Variants in FBXL13 observed in about 807,000 individuals in gnomAD.
FBXL13 encodes F-box and leucine-rich repeat protein 13.
In FBXL13, 67 loss-of-function variants were observed where a neutral mutation model predicts 83.6. That is an observed-to-expected ratio of 0.80 (90% CI 0.66 to 0.98). The LOEUF (loss-of-function observed/expected upper bound fraction) is 0.98. Ranked by LOEUF, FBXL13 falls within the 50% of genes least tolerant of loss-of-function variation. The probability of loss-of-function intolerance (pLI) is 0.00; values close to 1 mark genes in which losing one functional copy is unlikely to be tolerated. For synonymous variants in FBXL13, 272 were observed against 299.5 expected (o/e 0.91, Z 0.95); for missense variants, 822 against 866.5 (o/e 0.95, Z 0.64).
intron 17 of FBXL13, among the ~76,000 whole-genome samples, chr7:102,846,110 A>G (rs765220055): frequency 2.0e-5 from 3 of 152,244 alleles, no homozygotes; most frequent in Non-Finnish European, 2.9e-5. Flanking sequence ...AGTAAGGGCT[A>G]AATTGATATT....
chr7:103,067,032 G>A (rs377227160), intron 1 of FBXL13, among the ~76,000 whole-genome samples: 1 of 151,836 alleles, frequency 6.6e-6, no homozygotes, highest in African/African-American at 2.4e-5. Flanking sequence ...TGATCTGCCC[G>A]CCTCGGCCTC....
chr7:102,890,088 T>A (rs1446850198), intron 11 of FBXL13, among the ~76,000 whole-genome samples: 1 of 152,168 alleles, frequency 6.6e-6, no homozygotes, highest in Non-Finnish European at 1.5e-5. Context: ...TACATTAGAA[T>A]ATCCAAAAAG....
intron 14 of FBXL13, among the ~76,000 whole-genome samples, chr7:102,881,112 G>A (rs1201161532): frequency 1.3e-5 from 2 of 152,142 alleles, no homozygotes; most frequent in East Asian, 3.9e-4. Context: ...CCTTTGAAGT[G>A]TCTTGTCACC....
chr7:102,938,894 T>G (rs76621147), intron 8 of FBXL13, among the ~76,000 whole-genome samples: 1,725 of 152,352 alleles, frequency 0.011, 34 homozygotes, highest in African/African-American at 0.04. Flanking sequence ...CCAGGACTGC[T>G]GCTGACAATC....
intron 17 of FBXL13, among the ~76,000 whole-genome samples, chr7:102,844,335 A>G (rs895892973): frequency 6.6e-6 from 1 of 152,324 alleles, no homozygotes; most frequent in Middle Eastern, 3.4e-3. Context: ...ATATAAAGAG[A>G]AAAGAAATAA....
chr7:103,006,265 A>G (rs1034551642), intron 6 of FBXL13, among the ~76,000 whole-genome samples: 8 of 152,216 alleles, frequency 5.3e-5, no homozygotes, highest in Non-Finnish European at 8.8e-5. Flanking sequence ...AGAGCTTGAG[A>G]AATACACATA....
intron 16 of FBXL13, among the ~76,000 whole-genome samples, 156 bp from the exon 18 acceptor site, chr7:102,855,016 G>C (rs191991678): frequency 6.6e-6 from 1 of 151,930 alleles, no homozygotes; most frequent in East Asian, 1.9e-4. Context: ...TTAACAAATC[G>C]TAAGACCACT....
chr7:103,012,410 G>C (rs1323110566), intron 6 of FBXL13, among the ~76,000 whole-genome samples: 1 of 149,382 alleles, frequency 6.7e-6, no homozygotes, highest in Non-Finnish European at 1.5e-5. Flanking sequence ...TAGAAAGAAA[G>C]GGCAGGTCAT....
chr7:102,813,155 A>C (rs1797550301), downstream of FBXL13: 1 of 626,244 alleles, frequency 1.6e-6, no homozygotes, highest in South Asian at 2.5e-5. Context: ...TCTTTTTTAA[A>C]TCATGATTAT....
At chr7:102,905,736 T>C (rs954140298) in intron 11 of FBXL13, among the ~76,000 whole-genome samples, 8 of 152,200 alleles carry the variant, frequency 5.3e-5, no homozygotes, top group Non-Finnish European at 1.2e-4. Context: ...CAATTTTCTC[T>C]GGTGATATTA....
At chr7:102,821,583 C>G (rs1798814207) in intron 19 of FBXL13, among the ~76,000 whole-genome samples, 1 of 152,124 alleles carries the variant, frequency 6.6e-6, no homozygotes, top group Non-Finnish European at 1.5e-5. Flanking sequence ...ACCTTACCTT[C>G]TATGTCAGGG....
chr7:103,005,447 A>C (rs1419900608), intron 6 of FBXL13, among the ~76,000 whole-genome samples: 1 of 152,220 alleles, frequency 6.6e-6, no homozygotes, highest in Non-Finnish European at 1.5e-5. Context: ...TGAAAATTAA[A>C]GAGTTGTTTT....
intron 17 of FBXL13, among the ~76,000 whole-genome samples, chr7:102,838,244 A>G (rs142041954): frequency 0.022 from 3,330 of 152,320 alleles, 52 homozygotes; most frequent in Non-Finnish European, 0.033. Flanking sequence ...TGGTGTGGGA[A>G]TAACACAGGA....
chr7:102,899,827 A>G (rs1182659057), intron 11 of FBXL13, among the ~76,000 whole-genome samples: 1 of 152,208 alleles, frequency 6.6e-6, no homozygotes, highest in African/African-American at 2.4e-5. Context: ...TAATCCCAGC[A>G]CTTTGGGAGG....
chr7:103,019,181 G>A lies in FBXL13; in HGVS notation c.495+5882C>T, dbSNP rs529692689. Reference sequence around the variant, plus strand: ...AGGATTAAGAAACTCACTCAAAACCGCTCAACTACATGGAAACTGAATAAC... The same window carrying A: ...AGGATTAAGAAACTCACTCAAAACCACTCAACTACATGGAAACTGAATAAC... On this transcript the variant is annotated intron_variant, in intron 6 of 19. Coordinates refer to ENST00000313221, the Ensembl canonical transcript of FBXL13. Among the ~76,000 whole-genome samples, 6 of 152,222 alleles carry A rather than the reference G, an allele frequency of 3.9e-5. No homozygotes were observed. In the South Asian group the frequency reaches 6.2e-4, roughly 16 times the overall value.
intron 6 of FBXL13, among the ~76,000 whole-genome samples, chr7:102,995,319 A>G (rs929905158): frequency 2.6e-5 from 4 of 151,442 alleles, no homozygotes; most frequent in Non-Finnish European, 5.9e-5. Flanking sequence ...ATCTCTACTA[A>G]AAATACAAAA....
intron 17 of FBXL13, among the ~76,000 whole-genome samples, chr7:102,845,460 A>G (rs1803771548): frequency 6.6e-6 from 1 of 152,228 alleles, no homozygotes; most frequent in Admixed American, 6.5e-5. Flanking sequence ...TCACAAGAAG[A>G]GAAATTTTGA....
Position 102,916,656 on chromosome 7 carries a change from C to T in FBXL13, c.879-3441G>A, listed in dbSNP as rs530650205. ...TTTATTCTGAATTTTGGCAAAGACGCGTGTCCCCTACATGAGTAAGATCTG... is the reference window on the plus strand; with the variant it reads ...TTTATTCTGAATTTTGGCAAAGACGTGTGTCCCCTACATGAGTAAGATCTG... On this transcript the variant is annotated intron_variant, in intron 10 of 19. Transcript: ENST00000313221. Among the ~76,000 whole-genome samples the T allele has an allele frequency of 3.3e-4, 50 of 152,254 alleles. 1 individual carries two copies. Among genetic ancestry groups the T allele is most frequent in the African/African-American group, 1.2e-3 (50 of 41,554 alleles).
intron 1 of FBXL13, among the ~76,000 whole-genome samples, chr7:103,062,972 G>A (rs1172703675): frequency 6.6e-6 from 1 of 152,214 alleles, no homozygotes; most frequent in Non-Finnish European, 1.5e-5. Context: ...CACTCTTGCT[G>A]TTCCCCAGGA....
Sources: allele counts gnomAD v4.1 joint callset (sites outside exome capture counted in the v4.1 genomes callset), GRCh38; gene constraint gnomAD v4.1.1; transcripts MANE v1.5; gene names NCBI Gene and HGNC (gene_info 2026-07-23, HGNC 2026-07-21).